SUGCT: variants seen among roughly 807,000 people sequenced by gnomAD.
The protein encoded by SUGCT is succinyl-CoA:glutarate-CoA transferase, also known as succinyl-CoA:glutarate CoA-transferase.
SUGCT carries 41 observed loss-of-function variants against 55.0 expected under a neutral mutation model. The ratio of observed to expected loss-of-function variants is 0.74; its 90% confidence interval spans 0.58 to 0.97. SUGCT has a LOEUF of 0.97. Ranked by LOEUF, SUGCT falls within the 50% of genes least tolerant of loss-of-function variation. SUGCT has a pLI of 0.00. For synonymous variants in SUGCT, 187 were observed against 200.4 expected (o/e 0.93, Z 0.56); for missense variants, 568 against 547.8 (o/e 1.04, Z -0.37).
chr7:40,514,133 A>C (rs1793100973), intron 12 of SUGCT, among the ~76,000 whole-genome samples: 1 of 151,964 alleles, frequency 6.6e-6, no homozygotes, highest in East Asian at 1.9e-4. Flanking sequence ...AGTACAATTA[A>C]ATATGGACTG....
intron 7 of SUGCT, among the ~76,000 whole-genome samples, chr7:40,238,501 G>T (rs1292298530): frequency 1.3e-5 from 2 of 151,990 alleles, no homozygotes; most frequent in Non-Finnish European, 2.9e-5. Context: ...CTAGATTGAT[G>T]GCCTTAAAAA....
chr7:40,599,533 A>G (rs1315280051), intron 12 of SUGCT, among the ~76,000 whole-genome samples: 1 of 152,248 alleles, frequency 6.6e-6, no homozygotes. Flanking sequence ...TCTGGGTAAT[A>G]TAAGTCACCT....
intron 1 of SUGCT, among the ~76,000 whole-genome samples, chr7:40,138,015 G>A (rs1787785966): frequency 6.6e-6 from 1 of 152,098 alleles, no homozygotes; most frequent in African/African-American, 2.4e-5. Flanking sequence ...TATATTCATG[G>A]GGGTACAAGT....
intron 13 of SUGCT, among the ~76,000 whole-genome samples, chr7:40,753,411 A>G (rs1788109516): frequency 6.6e-6 from 1 of 152,228 alleles, no homozygotes; most frequent in Non-Finnish European, 1.5e-5. Flanking sequence ...GTGGAGACAC[A>G]TTTTGAATTT....
At chr7:40,839,195 T>C (rs1439054074) in intron 13 of SUGCT, among the ~76,000 whole-genome samples, 2 of 152,188 alleles carry the variant, frequency 1.3e-5, no homozygotes, top group African/African-American at 4.8e-5. Context: ...TTATGAGATA[T>C]GTTGACCCCT....
rs746391689 is a variant in SUGCT at position 40,188,434 on chromosome 7, C to CCAAA, written c.227-61_227-60insCAAA. On this transcript the variant is annotated intron_variant, in intron 3 of 13. Coordinates refer to ENST00000335693, the MANE Select transcript of SUGCT (RefSeq NM_001193313.2). Reference sequence around the variant, plus strand: ...GGGCAACAGAGCAAGACTCCATCTCCAAAAAAAAAAAAAAAAAAAAACAAA... The same window carrying CCAAA: ...GGGCAACAGAGCAAGACTCCATCTCCCAAAAAAAAAAAAAAAAAAAAAAAACAAA... The CCAAA allele has an allele frequency of 7.0e-4, 419 of 600,354 alleles. 1 individual carries two copies. The highest frequency in any genetic ancestry group is 1.4e-3 in the Admixed American group (25 of 18,244). The allele number at this position is 600,354 out of a possible 1,614,324, so 37.2% of individuals were successfully genotyped here. A position where few individuals can be genotyped will look rare whatever the true frequency, so the allele number is the denominator to read the frequency against.
intron 10 of SUGCT, among the ~76,000 whole-genome samples, chr7:40,454,137 A>G (rs1184290693): frequency 6.6e-6 from 1 of 152,204 alleles, no homozygotes; most frequent in East Asian, 1.9e-4. Flanking sequence ...GCTCCTTCCT[A>G]CTCAAAACAA....
At chr7:40,628,043 G>T (rs1799606293) in intron 12 of SUGCT, among the ~76,000 whole-genome samples, 1 of 152,108 alleles carries the variant, frequency 6.6e-6, no homozygotes, top group Admixed American at 6.5e-5. Flanking sequence ...TTGTGCAGTA[G>T]GGTCCCCCCT....
At chr7:40,716,385 C>T (rs540531954) in intron 12 of SUGCT, among the ~76,000 whole-genome samples, 2 of 152,288 alleles carry the variant, frequency 1.3e-5, no homozygotes, top group South Asian at 4.1e-4. Context: ...TTAACCTGTA[C>T]AACTGTCATC....
chr7:40,941,035 G>C, the SUGCT span, among the ~76,000 whole-genome samples: 1 of 151,702 alleles, frequency 6.6e-6, no homozygotes, highest in African/African-American at 2.4e-5. Flanking sequence ...TGATATTTTT[G>C]GGTATGTTCT....
intron 7 of SUGCT, among the ~76,000 whole-genome samples, chr7:40,272,029 A>AT (rs1257964303): frequency 6.9e-6 from 1 of 143,896 alleles, no homozygotes; most frequent in African/African-American, 2.6e-5. Context: ...TGCCCAGCTA[A>AT]TTTTTTATGG....
At chr7:40,264,199 G>A (rs202094374) in intron 7 of SUGCT, among the ~76,000 whole-genome samples, 3 of 152,018 alleles carry the variant, frequency 2.0e-5, no homozygotes, top group Non-Finnish European at 4.4e-5. Flanking sequence ...TAAGAGGATC[G>A]AACTACAGGA....
chr7:40,802,128 T>C (rs1163622757), intron 13 of SUGCT, among the ~76,000 whole-genome samples: 1 of 152,230 alleles, frequency 6.6e-6, no homozygotes, highest in Non-Finnish European at 1.5e-5. Flanking sequence ...CAGTGAAATT[T>C]TGTAGACTAT....
At chr7:40,204,451 C>T (rs1244959285) in intron 6 of SUGCT, among the ~76,000 whole-genome samples, 5 of 151,894 alleles carry the variant, frequency 3.3e-5, no homozygotes, top group East Asian at 3.9e-4. Context: ...TACAGGTGCC[C>T]GCCACCATGC....
At chr7:40,998,307 G>A in the SUGCT span, among the ~76,000 whole-genome samples, 502 of 152,182 alleles carry the variant, frequency 3.3e-3, 8 homozygotes, top group African/African-American at 9.1e-3. Context: ...GGGAGGTGGA[G>A]GTTGCAGTGA....
At chr7:40,463,423 AAAGTATTTTCCT>A (rs1202590356) in intron 11 of SUGCT, among the ~76,000 whole-genome samples, 3 of 152,184 alleles carry the variant, frequency 2.0e-5, no homozygotes, top group Non-Finnish European at 4.4e-5. Flanking sequence ...TCTTCCTTCC[AAAGTATTTTCCT>A]TGAGCAATTT....
chr7:40,548,818 C>G (rs765564385), intron 12 of SUGCT, among the ~76,000 whole-genome samples: 1 of 152,178 alleles, frequency 6.6e-6, no homozygotes, highest in Non-Finnish European at 1.5e-5. Flanking sequence ...CCCCTAAAAA[C>G]CCGCTGGCTC....
the SUGCT span, among the ~76,000 whole-genome samples, chr7:40,910,653 C>G: frequency 1.3e-5 from 2 of 152,138 alleles, no homozygotes; most frequent in Non-Finnish European, 2.9e-5. Flanking sequence ...AAGATCCGGT[C>G]AGCCTTTGCT....
At chr7:40,367,149 G>C in intron 9 of SUGCT, among the ~76,000 whole-genome samples, 1 of 151,280 alleles carries the variant, frequency 6.6e-6, no homozygotes, top group East Asian at 2.0e-4. Context: ...ATCATTCTCA[G>C]TAAACTATCG....
Sources: gnomAD v4.1 joint callset for allele counts (sites outside exome capture counted in the v4.1 genomes callset) on GRCh38, gnomAD v4.1.1 for gene constraint, MANE v1.5 for transcripts, NCBI Gene and HGNC (gene_info 2026-07-23, HGNC 2026-07-21) for gene names.